CTNND2: variants seen among roughly 807,000 people sequenced by gnomAD.
CTNND2 encodes catenin delta-2.
Under a neutral mutation model 144.4 loss-of-function variants are expected in CTNND2, and 22 were observed. The ratio of observed to expected loss-of-function variants is 0.15; its 90% confidence interval spans 0.11 to 0.22. CTNND2 has a LOEUF of 0.22. Ranked by LOEUF, CTNND2 falls within the 10% of genes least tolerant of loss-of-function variation. CTNND2 has a pLI of 1.00. For synonymous variants in CTNND2, 751 were observed against 695.6 expected, an observed-to-expected ratio of 1.08 and a Z score of -1.25; for missense variants, 1,353 against 1,618.8, an observed-to-expected ratio of 0.84 and a Z score of 2.82.
intron 16 of CTNND2, among the ~76,000 whole-genome samples, chr5:11,032,550 C>G (rs1028141191): frequency 2.6e-5 from 4 of 152,180 alleles, no homozygotes; most frequent in African/African-American, 4.8e-5. Context: ...CTGAAAATGT[C>G]TGAATGCTTG....
chr5:11,059,581 G>A (rs992382083), intron 16 of CTNND2, among the ~76,000 whole-genome samples: 4 of 152,082 alleles, frequency 2.6e-5, no homozygotes, highest in Admixed American at 6.5e-5. Flanking sequence ...TACATCATCC[G>A]TACTACAGAG....
intron 2 of CTNND2, among the ~76,000 whole-genome samples, chr5:11,716,421 C>T (rs947769798): frequency 1.3e-5 from 2 of 151,998 alleles, no homozygotes; most frequent in African/African-American, 2.4e-5. Flanking sequence ...ATAGCATTAC[C>T]ATGAATAAGA....
intron 2 of CTNND2, among the ~76,000 whole-genome samples, chr5:11,694,137 G>GA (rs1461269553): frequency 2.0e-5 from 3 of 151,990 alleles, no homozygotes; most frequent in South Asian, 4.1e-4. Flanking sequence ...AAATCACTAG[G>GA]AAAAAACATG....
intron 2 of CTNND2, among the ~76,000 whole-genome samples, chr5:11,698,004 A>C (rs10035868): frequency 0.13 from 19,828 of 152,116 alleles, 4,316 homozygotes; most frequent in African/African-American, 0.45. Context: ...CTAAGCTGGC[A>C]GAAAGTAGGA....
intron 2 of CTNND2, among the ~76,000 whole-genome samples, chr5:11,612,633 C>T (rs1023086297): frequency 6.6e-6 from 1 of 152,188 alleles, no homozygotes; most frequent in African/African-American, 2.4e-5. Flanking sequence ...GGTACAGTGG[C>T]TCATGCCTAT....
At chr5:11,290,128 T>G (rs897907843) in intron 9 of CTNND2, among the ~76,000 whole-genome samples, 1 of 152,168 alleles carries the variant, frequency 6.6e-6, no homozygotes, top group African/African-American at 2.4e-5. Flanking sequence ...GAGTGGAGAA[T>G]AGCAGCATTT....
At chr5:11,575,731 G>C (rs189960043) in intron 2 of CTNND2, among the ~76,000 whole-genome samples, 2 of 152,020 alleles carry the variant, frequency 1.3e-5, no homozygotes, top group African/African-American at 4.8e-5. Flanking sequence ...GTTCCTTCCC[G>C]CACAAACTCT....
At chr5:11,306,782 G>A (rs954572399) in intron 9 of CTNND2, among the ~76,000 whole-genome samples, 2 of 152,206 alleles carry the variant, frequency 1.3e-5, no homozygotes, top group African/African-American at 2.4e-5. Flanking sequence ...GGTTTGGCTT[G>A]CACTGCGTCC....
chr5:11,616,819 C>A (rs1403954068), intron 2 of CTNND2, among the ~76,000 whole-genome samples: 1 of 152,142 alleles, frequency 6.6e-6, no homozygotes, highest in African/African-American at 2.4e-5. Flanking sequence ...GTCAGCCAGT[C>A]TTGTCTCAAA....
chr5:11,022,323 T>C (rs1203783796), intron 17 of CTNND2, among the ~76,000 whole-genome samples: 2 of 152,186 alleles, frequency 1.3e-5, no homozygotes, highest in Non-Finnish European at 2.9e-5. Flanking sequence ...AGATGAGAAC[T>C]GAGTTCTCTG....
intron 1 of CTNND2, among the ~76,000 whole-genome samples, chr5:11,902,611 G>C (rs1737999604): frequency 6.6e-6 from 1 of 152,020 alleles, no homozygotes; most frequent in African/African-American, 2.4e-5. Flanking sequence ...TTAAATATTG[G>C]TCACATAGTT....
chr5:11,508,090 G>A (rs918137869), intron 3 of CTNND2, among the ~76,000 whole-genome samples: 1 of 152,048 alleles, frequency 6.6e-6, no homozygotes, highest in Admixed American at 6.6e-5. Context: ...TTATGTTACG[G>A]TTGTTAGGAT....
chr5:11,167,197 G>T (rs540149040), intron 11 of CTNND2, among the ~76,000 whole-genome samples: 6 of 152,266 alleles, frequency 3.9e-5, no homozygotes, highest in African/African-American at 1.2e-4. Flanking sequence ...TGATAGGCGT[G>T]GGAGGTGAAG....
intron 14 of CTNND2, among the ~76,000 whole-genome samples, chr5:11,100,628 G>A (rs1303411210): frequency 6.6e-6 from 1 of 152,108 alleles, no homozygotes; most frequent in Non-Finnish European, 1.5e-5. Context: ...GAATCTATCT[G>A]CTAGAGTAAC....
rs538299364 is a variant in CTNND2 at position 11,650,125 on chromosome 5, T to C, written c.174+82011A>G. On this transcript the variant is annotated intron_variant, in intron 2 of 21. Transcript: ENST00000304623. ...GTTGGAGGAGGGGCCTGGTGGAACA[T>C]GATTGGATCGTGGGGGTGATTTCCC... is the stretch of plus-strand genomic sequence containing the variant. Among the ~76,000 whole-genome samples, 21 of 152,314 alleles carry C rather than the reference T, an allele frequency of 1.4e-4. No homozygotes were observed. In the East Asian group the frequency reaches 1.7e-3, roughly 13 times the overall value.
chr5:11,332,402 T>C (rs1349976773), intron 9 of CTNND2, among the ~76,000 whole-genome samples: 1 of 152,090 alleles, frequency 6.6e-6, no homozygotes. Flanking sequence ...TGCTCGTCCA[T>C]GCAGCCTTGG....
At chr5:11,291,917 T>C (rs1748388788) in intron 9 of CTNND2, among the ~76,000 whole-genome samples, 1 of 152,120 alleles carries the variant, frequency 6.6e-6, no homozygotes, top group Admixed American at 6.6e-5. Context: ...TTGCTTGCTA[T>C]ACAAACCAGC....
chr5:11,069,681 GA>G (rs1748031042), intron 16 of CTNND2, among the ~76,000 whole-genome samples: 1 of 28,840 alleles, frequency 3.5e-5, no homozygotes, highest in South Asian at 2.2e-3. Flanking sequence ...GACAGACAGA[GA>G]GACAGAGAGA....
chr5:11,432,982 C>T (rs1272396701), intron 3 of CTNND2, among the ~76,000 whole-genome samples: 19 of 152,284 alleles, frequency 1.2e-4, no homozygotes, highest in Non-Finnish European at 2.5e-4. Flanking sequence ...CAGTGGCTCA[C>T]GCCTGTAATC....
Sources: gnomAD v4.1 joint callset for allele counts (sites outside exome capture counted in the v4.1 genomes callset) on GRCh38, gnomAD v4.1.1 for gene constraint, MANE v1.5 for transcripts, NCBI Gene and HGNC (gene_info 2026-07-23, HGNC 2026-07-21) for gene names.